Variants in SPACA7 observed in about 807,000 individuals in gnomAD.
SPACA7 encodes the protein sperm acrosome-associated protein 7.
A neutral mutation model predicts 26.3 loss-of-function variants in SPACA7; 19 were observed. The ratio of observed to expected loss-of-function variants is 0.72; its 90% CI spans 0.50 to 1.06. SPACA7 has a LOEUF of 1.06. Ranked by LOEUF, SPACA7 falls within the 50% of genes least tolerant of loss-of-function variation. The pLI, the probability that SPACA7 is intolerant of heterozygous loss-of-function variation, is 0.00. For synonymous variants in SPACA7, 84 were observed against 84.5 expected (o/e 0.99, Z 0.04); for missense variants, 211 against 229.9 (o/e 0.92, Z 0.53).
chr13:112,398,161 C>T (rs748476082), intron 3 of SPACA7, 23 bp downstream of exon 3: 5 of 1,525,914 alleles, frequency 3.3e-6, no homozygotes, highest in South Asian at 2.2e-5. Context: ...GCAAGCACAC[C>T]CCTTTCTAAC....
chr13:112,383,131 AAGAAAGAAAG>A (rs752367279), intron 1 of SPACA7, among the ~76,000 whole-genome samples: 7,863 of 53,364 alleles, frequency 0.15, 546 homozygotes, highest in Admixed American at 0.17. Flanking sequence ...AAAAGAAAGA[AAGAAAGAAAG>A]AAAGAAAGAA....
At chr13:112,404,674 TC>T (rs1328660097) in intron 5 of SPACA7, among the ~76,000 whole-genome samples, 1 of 92,932 alleles carries the variant, frequency 1.1e-5, no homozygotes, top group Non-Finnish European at 2.2e-5. Context: ...GAATAGGGTG[TC>T]CTTTCTCCAC....
At position 112,388,742 on chromosome 13, in the gene SPACA7, C is replaced by T. The variant is rs914824397; in HGVS notation, c.95-4279C>T. On this transcript the variant is annotated intron_variant, in intron 1 of 6. Transcript: ENST00000283550. ...CACCCAGAGCCAGCTGTGCAGGAGA[C>T]CAGAGTTTTTTTATTACTCAAATCA... Among the ~76,000 whole-genome samples, 3 of 152,212 alleles carry T rather than the reference C, an allele frequency of 2.0e-5. No individual in the cohort carries two copies. The East Asian group carries it at 5.8e-4, about 29-fold the overall frequency.
intron 1 of SPACA7, among the ~76,000 whole-genome samples, chr13:112,390,056 T>G (rs1036269716): frequency 1.3e-5 from 2 of 152,038 alleles, no homozygotes; most frequent in Non-Finnish European, 2.9e-5. Flanking sequence ...AGGTAGTTGA[T>G]CTGGGATTGT....
At chr13:112,395,817 C>G (rs1885209567) in intron 2 of SPACA7, among the ~76,000 whole-genome samples, 3 of 152,172 alleles carry the variant, frequency 2.0e-5, no homozygotes, top group African/African-American at 7.2e-5. Flanking sequence ...ATTTCAGCTT[C>G]TCCTCTCTCA....
rs1463807471 is a variant in SPACA7, at chr13:112,401,076, T to A, written c.357T>A (p.Asn119Lys). The A allele has an allele frequency of 6.2e-7, 1 of 1,613,792 alleles. No homozygotes were observed. Among genetic ancestry groups the A allele is most frequent in the Non-Finnish European group, 8.5e-7 (1 of 1,179,778 alleles). Residue 119 changes from asparagine (N) to lysine (K), a missense_variant, in exon 5 of 7, where the codon AAT becomes AAA. Asn to Lys is a moderately conservative substitution (Grantham distance 94). Transcript: ENST00000283550. The part of the protein sequence containing the change: ...IEVKISNDEA[N>K]ANANLHGDPS... ...CCATATTTGTCATTAAAGAAGCCAA[T>A]GCTAATGCAAATCTCCATGGCGATC...
At position 112,397,085 on chromosome 13, in the gene SPACA7, C is replaced by T. The variant is rs369610290; in HGVS notation, c.152-964C>T. Among the ~76,000 whole-genome samples the T allele has an allele frequency of 1.3e-3, 192 of 152,354 alleles. No homozygotes were observed. In the Middle Eastern group the frequency reaches 0.017, roughly 13 times the overall value. On this transcript the variant is annotated intron_variant, in intron 2 of 6. Transcript: ENST00000283550. The stretch of plus-strand genomic sequence containing the variant: ...CTGTGAGTGAGAAAGAGGGACAGCG[C>T]GGCTGCTGGGTGAGAAACCAAGAGC...
rs1555327766 is a variant in SPACA7 at position 112,405,002 on chromosome 13, T to TA, written c.445+3840dup. 4.0e-3 allele frequency among the ~76,000 whole-genome samples: 515 copies of TA among 129,552 alleles called. 7 individuals are homozygous for TA. Among genetic ancestry groups the TA allele is most frequent in the African/African-American group, 0.014 (496 of 35,296 alleles). 85.0% of individuals were successfully genotyped at this position (129,552 alleles called of 152,430 possible). A position where few individuals can be genotyped will look rare whatever the true frequency, so the allele number is the denominator to read the frequency against. ...TCTTTTTTTTTTTTTTTTTTTTTTT[T>TA]AAGACAGTCTCGCTGTGTCGCCCAG... On this transcript the variant is annotated intron_variant, in intron 5 of 6. Coordinates refer to ENST00000283550, the MANE Select transcript of SPACA7 (RefSeq NM_145248.5).
At chr13:112,427,875 C>A (rs1566490442) in intron 5 of SPACA7, among the ~76,000 whole-genome samples, 1 of 152,090 alleles carries the variant, frequency 6.6e-6, no homozygotes, top group Non-Finnish European at 1.5e-5. Flanking sequence ...TCAGTGTCTG[C>A]AGGAACTGTA....
chr13:112,399,702 G>C (rs1253426394), intron 4 of SPACA7, among the ~76,000 whole-genome samples: 1 of 152,204 alleles, frequency 6.6e-6, no homozygotes, highest in Non-Finnish European at 1.5e-5. Flanking sequence ...AACCAGAAAG[G>C]GCACATATAT....
intron 1 of SPACA7, among the ~76,000 whole-genome samples, chr13:112,384,209 A>ACT (rs1884387591): frequency 6.6e-6 from 1 of 152,186 alleles, no homozygotes; most frequent in South Asian, 2.1e-4. Flanking sequence ...TTTGAAAAGG[A>ACT]CTAAAGCAAG....
At chr13:112,397,007 C>A (rs74133345) in intron 2 of SPACA7, among the ~76,000 whole-genome samples, 151 of 152,322 alleles carry the variant, frequency 9.9e-4, no homozygotes, top group African/African-American at 3.6e-3. Context: ...AGGCCTGTAG[C>A]CCACCCGGCT....
intron 5 of SPACA7, among the ~76,000 whole-genome samples, chr13:112,416,423 A>G (rs1268090596): frequency 6.6e-6 from 1 of 152,000 alleles, no homozygotes; most frequent in Non-Finnish European, 1.5e-5. Context: ...AGTAGCTGGG[A>G]TTATAGGCAC....
intron 5 of SPACA7, among the ~76,000 whole-genome samples, chr13:112,419,418 AG>A (rs1886883237): frequency 6.6e-6 from 1 of 152,206 alleles, no homozygotes; most frequent in Non-Finnish European, 1.5e-5. Flanking sequence ...AGAGGCATGT[AG>A]GGAATGATCA....
intron 6 of SPACA7, among the ~76,000 whole-genome samples, chr13:112,433,381 C>A (rs1367836637): frequency 1.3e-5 from 2 of 149,168 alleles, no homozygotes; most frequent in Non-Finnish European, 3.0e-5. Context: ...GCACCCACCA[C>A]GTGCCAGGCA....
At chr13:112,379,199 T>C (rs1043456830) in intron 1 of SPACA7, among the ~76,000 whole-genome samples, 2 of 152,186 alleles carry the variant, frequency 1.3e-5, no homozygotes, top group African/African-American at 4.8e-5. Context: ...TACAAATCCG[T>C]CAATGTCTCC....
At chr13:112,432,913 C>T (rs1252128926) in intron 6 of SPACA7, among the ~76,000 whole-genome samples, 3 of 152,170 alleles carry the variant, frequency 2.0e-5, no homozygotes, top group Non-Finnish European at 4.4e-5. Context: ...CTTCAGGAGG[C>T]CCCCCACCCT....
chr13:112,412,890 CA>C, intron 5 of SPACA7, among the ~76,000 whole-genome samples: 1 of 152,074 alleles, frequency 6.6e-6, no homozygotes, highest in Non-Finnish European at 1.5e-5. Context: ...CATCCTATAA[CA>C]AGTTATTTTA....
At chr13:112,418,048 C>T (rs1886802745) in intron 5 of SPACA7, among the ~76,000 whole-genome samples, 1 of 152,078 alleles carries the variant, frequency 6.6e-6, no homozygotes. Flanking sequence ...TGCCATAGTC[C>T]TTAGTCACAT....
Sources: allele counts gnomAD v4.1 joint callset (sites outside exome capture counted in the v4.1 genomes callset), GRCh38; gene constraint gnomAD v4.1.1; transcripts MANE v1.5; gene names NCBI Gene and HGNC (gene_info 2026-07-23, HGNC 2026-07-21).